Variants in CACNB2 observed in about 807,000 individuals in gnomAD.
CACNB2 encodes voltage-dependent L-type calcium channel subunit beta-2.
A neutral mutation model predicts 73.3 loss-of-function variants in CACNB2; 42 were observed. The ratio of observed to expected loss-of-function variants is 0.57; its 90% CI spans 0.45 to 0.74. The LOEUF (loss-of-function observed/expected upper bound fraction) is 0.74, where lower values mean the gene tolerates loss of function less well. Ranked by LOEUF, CACNB2 falls within the 30% of genes least tolerant of loss-of-function variation. The probability of loss-of-function intolerance (pLI) is 0.00; values close to 1 mark genes in which losing one functional copy is unlikely to be tolerated. For synonymous variants in CACNB2, 348 were observed against 310.3 expected, an observed-to-expected ratio of 1.12 and a Z score of -1.28; for missense variants, 940 against 853.0, an observed-to-expected ratio of 1.10 and a Z score of -1.27.
intron 2 of CACNB2, among the ~76,000 whole-genome samples, chr10:18,342,998 C>T (rs753647312): frequency 1.1e-4 from 16 of 152,066 alleles, no homozygotes; most frequent in Non-Finnish European, 2.1e-4. Context: ...CATTCCAAAC[C>T]TCAAATGCAG....
chr10:18,148,525 CTG>C (rs2031215185), intron 1 of CACNB2, among the ~76,000 whole-genome samples: 1 of 152,226 alleles, frequency 6.6e-6, no homozygotes, highest in Admixed American at 6.5e-5. Flanking sequence ...GCCACCTCCT[CTG>C]TGACTGAATG....
chr10:18,218,614 G>T (rs1034500135), intron 2 of CACNB2, among the ~76,000 whole-genome samples: 2 of 152,194 alleles, frequency 1.3e-5, no homozygotes, highest in African/African-American at 4.8e-5. Context: ...GGGCACAGTG[G>T]CTCATGCCTG....
intron 2 of CACNB2, among the ~76,000 whole-genome samples, chr10:18,358,627 G>A (rs1291147329): frequency 2.7e-5 from 4 of 150,468 alleles, no homozygotes. Flanking sequence ...GGTACAAGGT[G>A]GCTGTGCTTG....
At chr10:18,197,058 TC>T (rs755791684) in intron 2 of CACNB2, among the ~76,000 whole-genome samples, 20 of 151,744 alleles carry the variant, frequency 1.3e-4, no homozygotes, top group Non-Finnish European at 2.8e-4. Flanking sequence ...CTCTCTTCAC[TC>T]CCCATAGGGA....
chr10:18,537,870 C>CT (rs1362291411), intron 12 of CACNB2, among the ~76,000 whole-genome samples: 1 of 152,190 alleles, frequency 6.6e-6, no homozygotes, highest in Non-Finnish European at 1.5e-5. Context: ...ATATACATCT[C>CT]TTTTCTACCA....
chr10:18,271,357 T>C (rs1410825889), intron 2 of CACNB2, among the ~76,000 whole-genome samples: 2 of 152,192 alleles, frequency 1.3e-5, no homozygotes, highest in African/African-American at 2.4e-5. Flanking sequence ...TAAGTTCTGA[T>C]TGAAAGCACG....
intron 2 of CACNB2, among the ~76,000 whole-genome samples, chr10:18,167,072 C>A (rs1349515438): frequency 6.6e-6 from 1 of 152,130 alleles, no homozygotes; most frequent in Admixed American, 6.5e-5. Flanking sequence ...CCACCTGCAC[C>A]CTGTTCTTCA....
At chr10:18,192,839 T>C (rs1439373619) in intron 2 of CACNB2, among the ~76,000 whole-genome samples, 1 of 152,210 alleles carries the variant, frequency 6.6e-6, no homozygotes, top group Non-Finnish European at 1.5e-5. Flanking sequence ...CTGAATGATA[T>C]TTTATAGTAT....
At chr10:18,457,020 C>T (rs778535479) in intron 3 of CACNB2, among the ~76,000 whole-genome samples, 1 of 152,146 alleles carries the variant, frequency 6.6e-6, no homozygotes, top group South Asian at 2.1e-4. Flanking sequence ...AGTCTACACA[C>T]AGATCATGAC....
intron 2 of CACNB2, among the ~76,000 whole-genome samples, chr10:18,281,763 G>A (rs1025917536): frequency 1.3e-5 from 2 of 152,100 alleles, no homozygotes; most frequent in Non-Finnish European, 2.9e-5. Flanking sequence ...TGGATCACCT[G>A]AGGTCAGGAG....
intron 2 of CACNB2, among the ~76,000 whole-genome samples, chr10:18,320,242 A>T (rs1335885782): frequency 6.6e-6 from 1 of 152,124 alleles, no homozygotes; most frequent in Admixed American, 6.5e-5. Context: ...TTTCTACCAG[A>T]TTGGAAGCTG....
chr10:18,398,656 CAGTG>C (rs1274708625), intron 2 of CACNB2, among the ~76,000 whole-genome samples: 5 of 148,856 alleles, frequency 3.4e-5, no homozygotes, highest in Admixed American at 2.7e-4. Flanking sequence ...GCCTGGGTGA[CAGTG>C]AGACTGTCAC....
intron 2 of CACNB2, among the ~76,000 whole-genome samples, chr10:18,160,997 T>A (rs563456584): frequency 1.3e-5 from 2 of 152,082 alleles, no homozygotes; most frequent in African/African-American, 4.8e-5. Flanking sequence ...AAGACCTGAG[T>A]TGGTGAAAAA....
In CACNB2 at chr10:18,208,042, G is replaced by A. The variant is rs183122522; in HGVS notation, c.213+57067G>A. ...TAAACCCTGAATTTTAGAAACCTAC[G>A]AATATTAGTTGCATCTTTCTTGTCA... On this transcript the variant is annotated intron_variant, in intron 2 of 13. Transcript: ENST00000324631. 4.2e-4 allele frequency among the ~76,000 whole-genome samples: 64 copies of A among 152,256 alleles called. No individual in the cohort carries two copies. In the East Asian group the frequency reaches 6.6e-3, roughly 16 times the overall value.
intron 2 of CACNB2, among the ~76,000 whole-genome samples, chr10:18,364,036 C>T (rs940023115): frequency 5.3e-5 from 8 of 151,716 alleles, no homozygotes; most frequent in African/African-American, 1.5e-4. Context: ...AAACCTCCGC[C>T]TCCCGGGTTC....
intron 1 of CACNB2, among the ~76,000 whole-genome samples, chr10:18,147,842 C>T (rs1032645840): frequency 1.3e-5 from 2 of 151,818 alleles, no homozygotes; most frequent in African/African-American, 4.8e-5. Flanking sequence ...TAGTCTAGTC[C>T]TTATTTTCAA....
chr10:18,189,103 A>C (rs1318366197), intron 2 of CACNB2, among the ~76,000 whole-genome samples: 6 of 152,182 alleles, frequency 3.9e-5, no homozygotes, highest in Non-Finnish European at 8.8e-5. Flanking sequence ...CTGGTACTAC[A>C]GGTGTGTACT....
At chr10:18,239,137 C>G (rs12260334) in intron 2 of CACNB2, among the ~76,000 whole-genome samples, 1 of 152,112 alleles carries the variant, frequency 6.6e-6, no homozygotes, top group Non-Finnish European at 1.5e-5. Context: ...GAACAAAAGA[C>G]TCCTTGACTA....
chr10:18,473,157 T>G (rs1177018134), intron 3 of CACNB2, among the ~76,000 whole-genome samples: 3 of 152,180 alleles, frequency 2.0e-5, no homozygotes, highest in Admixed American at 2.0e-4. Context: ...ACGCTTTAGC[T>G]CCACCCACTG....
Sources: gnomAD v4.1 joint callset for allele counts (sites outside exome capture counted in the v4.1 genomes callset) on GRCh38, gnomAD v4.1.1 for gene constraint, MANE v1.5 for transcripts, NCBI Gene and HGNC (gene_info 2026-07-23, HGNC 2026-07-21) for gene names.